Variants in MAGI3 observed in about 807,000 individuals in gnomAD.
The protein encoded by MAGI3 is membrane-associated guanylate kinase, WW and PDZ domain-containing protein 3.
In MAGI3, 43 loss-of-function variants were observed where a neutral mutation model predicts 121.8. That is an observed-to-expected ratio of 0.35 (90% CI 0.28 to 0.46). The LOEUF (loss-of-function observed/expected upper bound fraction) is 0.46. Among genes scored for constraint, MAGI3 ranks in the 20% least tolerant of loss-of-function variants. The pLI, the probability that MAGI3 is intolerant of heterozygous loss-of-function variation, is 1.00. For missense variants in MAGI3, 1,547 were observed against 1,797.3 expected, an observed-to-expected ratio of 0.86 and a Z score of 2.52; for synonymous variants, 553 against 639.3, an observed-to-expected ratio of 0.86 and a Z score of 2.04.
intron 1 of MAGI3, among the ~76,000 whole-genome samples, chr1:113,430,198 G>T (rs139724377): frequency 1.8e-4 from 28 of 152,188 alleles, no homozygotes; most frequent in African/African-American, 6.3e-4. Flanking sequence ...AGTCTATGAA[G>T]GTGTTAGGAC....
At chr1:113,477,018 C>G (rs762779238) in intron 1 of MAGI3, among the ~76,000 whole-genome samples, 13 of 150,430 alleles carry the variant, frequency 8.6e-5, no homozygotes, top group African/African-American at 2.9e-4. Flanking sequence ...GGTTTAAAGT[C>G]TGTTATATCA....
At chr1:113,580,870 A>T (rs1305644630) in intron 3 of MAGI3, 3 of 362,542 alleles carry the variant, frequency 8.3e-6, no homozygotes, top group Admixed American at 4.5e-5. Flanking sequence ...TCATATTTTA[A>T]AGTTGATTGT....
chr1:113,637,323 C>T (rs1344907697), intron 9 of MAGI3, among the ~76,000 whole-genome samples: 1 of 152,122 alleles, frequency 6.6e-6, no homozygotes, highest in African/African-American at 2.4e-5. Flanking sequence ...TCTTCCTAGC[C>T]TCGATGGTCT....
At chr1:113,671,625 A>G (rs1647555670) in intron 16 of MAGI3, 109 bp from the exon 17 acceptor site, 2 of 942,204 alleles carry the variant, frequency 2.1e-6, no homozygotes, top group Non-Finnish European at 3.3e-6. Flanking sequence ...AAAGCCACTA[A>G]AGTCAGTACA....
intron 1 of MAGI3, among the ~76,000 whole-genome samples, chr1:113,457,689 A>T (rs1485068062): frequency 6.6e-6 from 1 of 152,008 alleles, no homozygotes; most frequent in African/African-American, 2.4e-5. Flanking sequence ...ATAGATAGAT[A>T]ATAAGCTGTG....
At chr1:113,555,828 A>C (rs1004228920) in intron 2 of MAGI3, among the ~76,000 whole-genome samples, 2 of 152,132 alleles carry the variant, frequency 1.3e-5, no homozygotes, top group African/African-American at 4.8e-5. Context: ...CCTTGAGCCC[A>C]GGAGTTTGAG....
At chr1:113,460,127 A>G (rs1157712221) in intron 1 of MAGI3, among the ~76,000 whole-genome samples, 2 of 152,262 alleles carry the variant, frequency 1.3e-5, no homozygotes, top group African/African-American at 2.4e-5. Context: ...TACACAAATC[A>G]GTAATTGTGA....
At position 113,659,061 on chromosome 1, in the gene MAGI3, G is replaced by A. The variant is rs552082755; in HGVS notation, c.2630-19G>A. On this transcript the variant is annotated intron_variant, in intron 15 of 20. Coordinates refer to ENST00000307546, the MANE Select transcript of MAGI3 (RefSeq NM_001142782.2). The stretch of plus-strand genomic sequence containing the variant: ...GAAATCTTAAATAATTGAAAAACCT[G>A]GGGTTTTTTTTCCCATAGTTATTCC... The A allele has an allele frequency of 6.4e-7, 1 of 1,560,766 alleles. No homozygotes were observed. Among genetic ancestry groups the A allele is most frequent in the South Asian group, 1.2e-5 (1 of 84,846 alleles).
chr1:113,682,501 A>C, intron 20 of MAGI3: 1 of 1,315,762 alleles, frequency 7.6e-7, no homozygotes, highest in South Asian at 2.2e-5. Flanking sequence ...TTCCTTTATT[A>C]ATTAGTGATT....
intron 12 of MAGI3, among the ~76,000 whole-genome samples, chr1:113,648,060 C>G (rs1003482948): frequency 1.3e-5 from 2 of 151,882 alleles, no homozygotes; most frequent in Non-Finnish European, 2.9e-5. Flanking sequence ...GTAGCTGGCA[C>G]TACAGGCGTA....
chr1:113,398,653 A>G (rs1438462436), intron 1 of MAGI3, among the ~76,000 whole-genome samples: 1 of 152,162 alleles, frequency 6.6e-6, no homozygotes, highest in Non-Finnish European at 1.5e-5. Context: ...ACTATACATA[A>G]TGGCATTTAA....
Position 113,629,560 on chromosome 1 carries a change from A to T in MAGI3, c.1360+6566A>T, listed in dbSNP as rs536779497. ...TTGCAGGCTGGGTTTCTTTGTGCCC[A>T]TCCTTGGGAAGGCTTTCCAGGTATT... On this transcript the variant is annotated intron_variant, in intron 9 of 20. Transcript: ENST00000307546. 1.4e-4 allele frequency among the ~76,000 whole-genome samples: 22 copies of T among 152,260 alleles called. 1 individual carries two copies. The South Asian group carries it at 4.4e-3, about 30-fold the overall frequency.
Position 113,672,654 on chromosome 1 carries a change from T to G in MAGI3, c.2958T>G (p.Thr986=). 6.2e-7 allele frequency: 1 copy of G among 1,613,884 alleles called. No individual in the cohort carries two copies. Among genetic ancestry groups the G allele is most frequent in the Non-Finnish European group, 8.5e-7 (1 of 1,179,844 alleles). ...GTGAAATTGGAAAAGATGTCTCCACTTCTTACAGACATTCTTGGTCAGACC... is the reference window on the plus strand; with the variant it reads ...GTGAAATTGGAAAAGATGTCTCCACGTCTTACAGACATTCTTGGTCAGACC... The part of the protein sequence containing the change: ...LEGEIGKDVS[T]SYRHSWSDHK... The change falls in exon 18 of 21, where the codon ACT becomes ACG. Residue 986 remains threonine (T), a synonymous_variant. Transcript: ENST00000307546.
At chr1:113,584,966 C>CATTT (rs61622151) in intron 3 of MAGI3, among the ~76,000 whole-genome samples, 5 of 110,748 alleles carry the variant, frequency 4.5e-5, no homozygotes, top group African/African-American at 1.1e-4. Flanking sequence ...GTAGATATTT[C>CATTT]CTTTTTTTTT....
At chr1:113,517,954 C>T (rs1189554412) in intron 1 of MAGI3, among the ~76,000 whole-genome samples, 1 of 151,998 alleles carries the variant, frequency 6.6e-6, no homozygotes, top group Non-Finnish European at 1.5e-5. Context: ...ATTTGATCCT[C>T]CTAATACCCT....
chr1:113,438,652 TGA>T (rs1275566978), intron 1 of MAGI3, among the ~76,000 whole-genome samples: 1 of 152,136 alleles, frequency 6.6e-6, no homozygotes, highest in Non-Finnish European at 1.5e-5. Context: ...TGTTGCCTGG[TGA>T]GAGAGAGATC....
At chr1:113,442,795 C>T (rs1360713935) in intron 1 of MAGI3, among the ~76,000 whole-genome samples, 4 of 152,070 alleles carry the variant, frequency 2.6e-5, no homozygotes, top group African/African-American at 9.7e-5. Flanking sequence ...GATTCTTCAT[C>T]ATCCTTATCT....
intron 1 of MAGI3, among the ~76,000 whole-genome samples, chr1:113,510,986 C>G (rs902960440): frequency 1.3e-5 from 2 of 152,178 alleles, no homozygotes; most frequent in Admixed American, 1.3e-4. Flanking sequence ...TTGTTGAAGT[C>G]TTTCTCACTA....
Position 113,682,962 on chromosome 1 carries a change from C to T in MAGI3, c.3394C>T (p.Pro1132Ser). 1 of 1,613,418 alleles carries T rather than the reference C, an allele frequency of 6.2e-7. No individual in the cohort carries two copies. Among genetic ancestry groups the T allele is most frequent in the Non-Finnish European group, 8.5e-7 (1 of 1,179,730 alleles). ...VIYDEQSPLPPSSHFASIFEE... is the reference protein window; with the variant it reads ...VIYDEQSPLPSSSHFASIFEE... ...TTATGATGAACAGTCACCATTACCC[C>T]CATCTTCACATTTTGCTTCCATATT... The change falls in exon 21 of 21, where the codon CCA becomes TCA. Residue 1132 changes from proline to serine, a missense_variant. Pro to Ser is a moderately conservative substitution (Grantham distance 74). Coordinates refer to ENST00000307546, the MANE Select transcript of MAGI3 (RefSeq NM_001142782.2).
Sources: gnomAD v4.1 joint callset for allele counts (sites outside exome capture counted in the v4.1 genomes callset) on GRCh38, gnomAD v4.1.1 for gene constraint, MANE v1.5 for transcripts, NCBI Gene and HGNC (gene_info 2026-07-23, HGNC 2026-07-21) for gene names.